Variants in RIMS1 observed in about 807,000 individuals in gnomAD.
The protein encoded by RIMS1 is regulating synaptic membrane exocytosis 1.
In RIMS1, 83 loss-of-function variants were observed where a neutral mutation model predicts 214.1. The ratio of observed to expected loss-of-function variants is 0.39; its 90% confidence interval spans 0.32 to 0.47. RIMS1 has a LOEUF of 0.47. Ranked by LOEUF, RIMS1 falls within the 20% of genes least tolerant of loss-of-function variation. RIMS1 has a pLI of 0.99. For synonymous variants in RIMS1, 793 were observed against 786.8 expected (o/e 1.01, Z -0.13); for missense variants, 2,050 against 2,161.8 (o/e 0.95, Z 1.03).
intron 6 of RIMS1, among the ~76,000 whole-genome samples, chr6:72,218,116 T>TTC (rs2056992910): frequency 6.6e-6 from 1 of 151,634 alleles, no homozygotes; most frequent in Non-Finnish European, 1.5e-5. Context: ...GCTTTTTTTT[T>TTC]TTTTAATTGG....
At chr6:72,119,246 ATACT>A (rs2037719542) in intron 4 of RIMS1, among the ~76,000 whole-genome samples, 1 of 151,598 alleles carries the variant, frequency 6.6e-6, no homozygotes. Flanking sequence ...AATTTATAAA[ATACT>A]TAACCAAGCA....
rs1218140078 is a variant in RIMS1, at chr6:71,968,999, A to G, written c.181A>G (p.Met61Val). The G allele has an allele frequency of 1.9e-6, 3 of 1,614,036 alleles. No homozygotes were observed. Among genetic ancestry groups the G allele is most frequent in the South Asian group, 2.2e-5 (2 of 91,088 alleles). Residue 61 changes from methionine (M) to valine (V), a missense_variant, in exon 2 of 34, where the codon ATG (methionine) becomes GTG (valine). This residue lies in a region of RIMS1 where 882 missense variants were observed against 828.9 expected (regional missense o/e 1.06). Transcript: ENST00000521978. Reference sequence around the variant, plus strand: ...GCGCCCCAGGTGTGTTGTCAGGGACATGGCGAAGCCTGCTGCCTGCAAAAC... The same window carrying G: ...GCGCCCCAGGTGTGTTGTCAGGGACGTGGCGAAGCCTGCTGCCTGCAAAAC... ...EAMLKCVVRD[M>V]AKPAACKTPR...
rs139822123 is a variant in RIMS1 at position 72,324,047 on chromosome 6, G to C, written c.4131-9553G>C. Among the ~76,000 whole-genome samples the C allele has an allele frequency of 3.7e-3, 558 of 151,638 alleles. 2 individuals are homozygous for C. Among genetic ancestry groups the C allele is most frequent in the African/African-American group, 0.011 (463 of 41,352 alleles). ...GCATGCATAGATAGATAGATAGATAGATAGATAGATAGATAGATAGATAGA... is the reference window on the plus strand; with the variant it reads ...GCATGCATAGATAGATAGATAGATACATAGATAGATAGATAGATAGATAGA... On this transcript the variant is annotated intron_variant, in intron 28 of 33. Transcript: ENST00000521978.
At chr6:72,218,222 A>C (rs1344685195) in intron 6 of RIMS1, among the ~76,000 whole-genome samples, 1 of 151,938 alleles carries the variant, frequency 6.6e-6, no homozygotes, top group Non-Finnish European at 1.5e-5. Flanking sequence ...GAGAGGAAAG[A>C]GGCATCACAG....
chr6:72,237,893 T>C lies in RIMS1; in HGVS notation c.1928T>C (p.Leu643Pro). 1 of 1,613,372 alleles carries C rather than the reference T, an allele frequency of 6.2e-7. No individual in the cohort carries two copies. The highest frequency in any genetic ancestry group is 8.5e-7 in the Non-Finnish European group (1 of 1,179,562). The change falls in exon 9 of 34, where the codon CTA becomes CCA. Residue 643 changes from leucine to proline, a missense_variant. Around this residue, in one of 6 missense-constraint regions of RIMS1, gnomAD observed 111 missense variants for 166.2 expected, o/e 0.67. Transcript: ENST00000521978. ...AFITKVKKGS[L>P]ADVVGHLRAG... ...ATCACCAAAGTAAAGAAGGGTAGCC[T>C]AGCAGATGTAGTTGGACACCTAAGA...
At chr6:72,374,362 C>T (rs1481768908) in intron 29 of RIMS1, among the ~76,000 whole-genome samples, 1 of 152,182 alleles carries the variant, frequency 6.6e-6, no homozygotes, top group African/African-American at 2.4e-5. Context: ...AGTGGAAAAG[C>T]AACCAGTCAG....
intron 28 of RIMS1, among the ~76,000 whole-genome samples, chr6:72,329,721 T>TTTGG (rs1181693964): frequency 4.0e-5 from 6 of 151,616 alleles, no homozygotes; most frequent in Admixed American, 6.6e-5. Flanking sequence ...AGAAAACCAA[T>TTTGG]TTGGTTGGTT....
At chr6:72,071,186 A>G (rs1408521715) in intron 2 of RIMS1, among the ~76,000 whole-genome samples, 1 of 152,154 alleles carries the variant, frequency 6.6e-6, no homozygotes, top group Non-Finnish European at 1.5e-5. Context: ...ACGTGAGGCC[A>G]GAAGTTCGAG....
At chr6:72,289,771 T>C (rs1437950376) in intron 24 of RIMS1, among the ~76,000 whole-genome samples, 1 of 152,184 alleles carries the variant, frequency 6.6e-6, no homozygotes, top group African/African-American at 2.4e-5. Context: ...AAGTGAATTT[T>C]ACAGTATTGC....
In RIMS1 at chr6:72,074,079, A is replaced by G. The variant is rs1008480306; in HGVS notation, c.246-22870A>G. Among the ~76,000 whole-genome samples the G allele has an allele frequency of 2.0e-5, 3 of 152,208 alleles. No homozygotes were observed. The East Asian group carries it at 5.8e-4, about 29-fold the overall frequency. ...GATCCATAAACTGCCGAAAGAGTCC[A>G]TGACACAAAAATGGTCTGGAACCTT... On this transcript the variant is annotated intron_variant, in intron 2 of 33. Coordinates refer to ENST00000521978, the MANE Select transcript of RIMS1 (RefSeq NM_014989.7).
At chr6:71,966,671 C>G (rs1402983406) in intron 1 of RIMS1, among the ~76,000 whole-genome samples, 1 of 152,030 alleles carries the variant, frequency 6.6e-6, no homozygotes, top group Non-Finnish European at 1.5e-5. Context: ...ACAGGCATAC[C>G]CCACACACCC....
intron 22 of RIMS1, among the ~76,000 whole-genome samples, chr6:72,268,907 A>C (rs750011653): frequency 3.3e-5 from 5 of 151,974 alleles, no homozygotes; most frequent in Admixed American, 6.6e-5. Context: ...ATATCTTCCC[A>C]TTTCCCTTGC....
chr6:72,267,639 G>A (rs2081207766), intron 22 of RIMS1, among the ~76,000 whole-genome samples: 1 of 152,076 alleles, frequency 6.6e-6, no homozygotes, highest in African/African-American at 2.4e-5. Context: ...CCACATTACG[G>A]TGCTCATTGG....
At chr6:72,114,386 A>G (rs545928889) in intron 4 of RIMS1, among the ~76,000 whole-genome samples, 2 of 152,150 alleles carry the variant, frequency 1.3e-5, no homozygotes, top group Non-Finnish European at 1.5e-5. Flanking sequence ...TTTTCTATAC[A>G]TCATAAAGTT....
At chr6:72,058,162 T>G (rs1826861551) in intron 2 of RIMS1, among the ~76,000 whole-genome samples, 1 of 152,204 alleles carries the variant, frequency 6.6e-6, no homozygotes, top group Non-Finnish European at 1.5e-5. Flanking sequence ...AAAATGTATA[T>G]AGAGAAAAGA....
At chr6:71,893,823 C>G (rs138634249) in intron 1 of RIMS1, among the ~76,000 whole-genome samples, 1 of 152,080 alleles carries the variant, frequency 6.6e-6, no homozygotes, top group Non-Finnish European at 1.5e-5. Flanking sequence ...CCTGTTCATA[C>G]GAATGCTTAC....
chr6:72,282,263 T>C (rs1414389367), intron 23 of RIMS1, among the ~76,000 whole-genome samples: 1 of 152,084 alleles, frequency 6.6e-6, no homozygotes, highest in Non-Finnish European at 1.5e-5. Context: ...TAATCCTTTC[T>C]TCTCCCCTTA....
intron 7 of RIMS1, among the ~76,000 whole-genome samples, chr6:72,234,598 G>C (rs1239953643): frequency 6.6e-6 from 1 of 151,812 alleles, no homozygotes; most frequent in African/African-American, 2.4e-5. Context: ...GTACATTAGG[G>C]TACATTCTTC....
intron 4 of RIMS1, among the ~76,000 whole-genome samples, chr6:72,124,872 A>C (rs2039179538): frequency 6.6e-6 from 1 of 152,074 alleles, no homozygotes; most frequent in Non-Finnish European, 1.5e-5. Context: ...CTAGTTAGCC[A>C]TTCATCTAAT....
Sources: allele counts gnomAD v4.1 joint callset (sites outside exome capture counted in the v4.1 genomes callset), GRCh38; gene constraint gnomAD v4.1.1; regional missense constraint gnomAD v4.1.1; transcripts MANE v1.5; gene names NCBI Gene and HGNC (gene_info 2026-07-23, HGNC 2026-07-21).